The following DST variants were observed in gnomAD, a reference collection of about 807,000 sequenced individuals.
DST encodes the protein bullous pemphigoid antigen.
In DST, 253 loss-of-function variants were observed where a neutral mutation model predicts 875.2. That is an observed-to-expected ratio of 0.29 (90% CI 0.26 to 0.32). The LOEUF is 0.32. Ranked by LOEUF, DST falls within the 10% of genes least tolerant of loss-of-function variation. DST has a pLI of 1.00. For synonymous variants in DST, 3,124 were observed against 3,197.1 expected (o/e 0.98, Z 0.77); for missense variants, 8,287 against 9,111.6 (o/e 0.91, Z 3.68).
At chr6:56,936,770 C>A (rs576293164) in intron 2 of DST, among the ~76,000 whole-genome samples, 54 of 151,826 alleles carry the variant, frequency 3.6e-4, no homozygotes, top group African/African-American at 1.2e-3. Context: ...TTAAAAAGAG[C>A]AGAAGAGAAT....
intron 4 of DST, among the ~76,000 whole-genome samples, chr6:56,782,700 G>A (rs2099696552): frequency 1.3e-5 from 2 of 152,172 alleles, no homozygotes; most frequent in East Asian, 1.9e-4. Flanking sequence ...ATTTTTTGAA[G>A]GGTTTTTTGT....
intron 3 of DST, among the ~76,000 whole-genome samples, chr6:56,882,773 A>G (rs1003108457): frequency 6.6e-6 from 1 of 152,252 alleles, no homozygotes; most frequent in African/African-American, 2.4e-5. Context: ...TCATACTAAA[A>G]TGGAAGAATT....
intron 2 of DST, among the ~76,000 whole-genome samples, chr6:56,910,000 CAG>C (rs1162305699): frequency 6.6e-6 from 1 of 152,144 alleles, no homozygotes; most frequent in Non-Finnish European, 1.5e-5. Flanking sequence ...GTTCTGTTTT[CAG>C]AGAGAATGTA....
intron 4 of DST, among the ~76,000 whole-genome samples, chr6:56,753,011 G>A (rs910552928): frequency 6.6e-5 from 10 of 151,966 alleles, no homozygotes; most frequent in Non-Finnish European, 1.0e-4. Flanking sequence ...GGCTGGTCTC[G>A]AACTCCTGAC....
intron 5 of DST, among the ~76,000 whole-genome samples, chr6:56,706,250 G>C (rs1219677443): frequency 1.3e-5 from 2 of 151,704 alleles, no homozygotes; most frequent in Non-Finnish European, 2.9e-5. Flanking sequence ...GGAGGCGGAG[G>C]TTGCAGTGGG....
intron 4 of DST, among the ~76,000 whole-genome samples, chr6:56,770,254 C>T (rs558442151): frequency 6.6e-6 from 1 of 152,248 alleles, no homozygotes; most frequent in South Asian, 2.1e-4. Context: ...CATGAAAAGT[C>T]CCACTTAAAA....
At chr6:56,732,806 C>A (rs547349682) in intron 5 of DST, among the ~76,000 whole-genome samples, 1 of 152,300 alleles carries the variant, frequency 6.6e-6, no homozygotes, top group South Asian at 2.1e-4. Context: ...GGGGAACCTG[C>A]TGGGATCTGC....
At chr6:56,474,545 A>T (rs1443123684) in intron 92 of DST, among the ~76,000 whole-genome samples, 3 of 152,148 alleles carry the variant, frequency 2.0e-5, no homozygotes, top group Admixed American at 2.0e-4. Flanking sequence ...GTAAATTGAA[A>T]ATAAAAATAA....
intron 100 of DST, 68 bp from the exon 101 acceptor site, chr6:56,463,832 T>C (rs746914990): frequency 3.3e-6 from 5 of 1,529,262 alleles, no homozygotes; most frequent in Non-Finnish European, 3.6e-6. Flanking sequence ...CAATCGTTAA[T>C]GGGAAGAACG....
chr6:56,487,175 GT>G lies in DST; in HGVS notation c.20975del (p.Asn6992ThrfsTer2). 2 of 1,613,912 alleles carry G rather than the reference GT, an allele frequency of 1.2e-6. No homozygotes were observed. The highest frequency in any genetic ancestry group is 1.7e-6 in the Non-Finnish European group (2 of 1,179,852). The stretch of plus-strand genomic sequence containing the variant: ...CACTCAGCATGTCATCCAGTTTCAG[GT>G]TGTCATCAGCCAGGGAGGTTTTCTC... ...LKEKTSLADDNLKLDDMLSEL... is the reference protein window; with the variant it reads ...LKEKTSLADDXLKLDDMLSEL... On this transcript the variant is annotated frameshift_variant, in exon 87 of 104. Coordinates refer to ENST00000680361, the MANE Select transcript of DST (RefSeq NM_001374736.1). LOFTEE classifies it high-confidence loss of function.
chr6:56,579,275 T>C (rs1347111385), intron 49 of DST, among the ~76,000 whole-genome samples: 1 of 152,090 alleles, frequency 6.6e-6, no homozygotes, highest in Admixed American at 6.6e-5. Context: ...CCCCAACTAC[T>C]ACTAAAACAA....
chr6:56,783,026 G>T (rs1284331655), intron 4 of DST, among the ~76,000 whole-genome samples: 2 of 152,176 alleles, frequency 1.3e-5, no homozygotes, highest in East Asian at 3.8e-4. Flanking sequence ...CCATGCAGTT[G>T]AGCGGTTTTG....
Position 56,487,127 on chromosome 6 carries a change from G to A in DST, c.21024C>T (p.Thr7008=), listed in dbSNP as rs1221369279. 6.2e-7 allele frequency: 1 copy of A among 1,613,782 alleles called. No individual in the cohort carries two copies. The highest frequency in any genetic ancestry group is 1.3e-5 in the African/African-American group (1 of 74,996). ...ACCTTTCCACAGATTTTCCACATAT[G>A]GTATCCCATTTGTCTCTGAGTTCAC... ...MLSELRDKWD[T]ICGKSVERQN... Residue 7008 remains threonine, a synonymous_variant, in exon 87 of 104, where the codon ACC becomes ACT. Transcript: ENST00000680361.
At position 56,593,992 on chromosome 6, in the gene DST, G is replaced by C. The variant is rs1296899526; in HGVS notation, c.12397C>G (p.Gln4133Glu). ...GCATCAAACTTTTCTAATTCTTCCTGCAGAGAGTGAGTTAACTTCATTTTC... is the reference window on the plus strand; with the variant it reads ...GCATCAAACTTTTCTAATTCTTCCTCCAGAGAGTGAGTTAACTTCATTTTC... ...EKKMKLTHSL[Q>E]EELEKFDADY... Residue 4133 changes from glutamine to glutamate, a missense_variant, in exon 48 of 104, where the codon CAG becomes GAG. Coordinates refer to ENST00000680361, the MANE Select transcript of DST (RefSeq NM_001374736.1). The C allele has an allele frequency of 1.2e-6, 2 of 1,613,740 alleles. No homozygotes were observed. Among genetic ancestry groups the C allele is most frequent in the African/African-American group, 2.7e-5 (2 of 74,910 alleles).
At chr6:56,812,338 C>T (rs961016818) in intron 4 of DST, among the ~76,000 whole-genome samples, 7 of 151,930 alleles carry the variant, frequency 4.6e-5, no homozygotes, top group African/African-American at 1.2e-4. Flanking sequence ...TAAAAAAAGA[C>T]AGAAGTGAAA....
intron 4 of DST, among the ~76,000 whole-genome samples, chr6:56,741,995 T>C (rs1451504778): frequency 6.6e-6 from 1 of 152,206 alleles, no homozygotes; most frequent in Admixed American, 6.5e-5. Context: ...ACAATCTATA[T>C]TGACTGGTTT....
At chr6:56,613,086 A>G (rs1324529026) in intron 37 of DST, among the ~76,000 whole-genome samples, 1 of 152,204 alleles carries the variant, frequency 6.6e-6, no homozygotes, top group Non-Finnish European at 1.5e-5. Flanking sequence ...AGGGTTTATA[A>G]TCAAAATTTC....
In DST at chr6:56,472,322, A is replaced by C. The variant is rs1171454974; in HGVS notation, c.21995-100T>G. 1.3e-5 allele frequency: 14 copies of C among 1,050,270 alleles called. No homozygotes were observed. In the Admixed American group the frequency reaches 3.9e-4, roughly 29 times the overall value. The allele number at this position is 1,050,270 out of a possible 1,614,324, so 65.1% of individuals were successfully genotyped here. ...TTCTAGCTAAGACTGCATCAACTTA[A>C]TTACGTGTTTACGCAAGTAAAAGTA... On this transcript the variant is annotated intron_variant, in intron 93 of 103. Transcript: ENST00000680361.
chr6:56,892,620 C>G (rs926681981), intron 3 of DST, among the ~76,000 whole-genome samples: 12 of 152,158 alleles, frequency 7.9e-5, no homozygotes, highest in African/African-American at 2.9e-4. Context: ...GCCGCCACGC[C>G]CAGCACTACC....
Sources: allele counts gnomAD v4.1 joint callset (sites outside exome capture counted in the v4.1 genomes callset), GRCh38; gene constraint gnomAD v4.1.1; transcripts MANE v1.5; gene names NCBI Gene and HGNC (gene_info 2026-07-23, HGNC 2026-07-21).